Variants in ITGA2 observed in about 807,000 individuals in gnomAD.
The protein encoded by ITGA2 is integrin alpha-2.
Under a neutral mutation model 146.3 loss-of-function variants are expected in ITGA2, and 101 were observed. The ratio of observed to expected loss-of-function variants is 0.69; its 90% CI spans 0.59 to 0.81. The LOEUF is 0.81. Among genes scored for constraint, ITGA2 ranks in the 40% least tolerant of loss-of-function variants. The pLI is 0.00. For synonymous variants in ITGA2, 477 were observed against 487.1 expected, an observed-to-expected ratio of 0.98 and a Z score of 0.27; for missense variants, 1,281 against 1,402.7, an observed-to-expected ratio of 0.91 and a Z score of 1.39.
In ITGA2 at chr5:53,075,304, G is replaced by A. The variant is rs1020667872; in HGVS notation, c.2825G>A (p.Arg942Lys). Residue 942 changes from arginine (R) to lysine (K), a missense_variant and splice_region_variant, in exon 23 of 30, where the codon AGA becomes AAA. Coordinates refer to ENST00000296585, the MANE Select transcript of ITGA2 (RefSeq NM_002203.4). The stretch of plus-strand genomic sequence containing the variant: ...TATGATGCTGAAATTCACTTAACAA[G>A]GTAGGTGAAGCAGTGGGTAACCTGC... ...LLYDAEIHLT[R>K]STNINFYEIS... 1 of 1,611,836 alleles carries A rather than the reference G, an allele frequency of 6.2e-7. No individual in the cohort carries two copies. Among genetic ancestry groups the A allele is most frequent in the African/African-American group, 1.3e-5 (1 of 74,872 alleles).
intron 21 of ITGA2, 72 bp downstream of exon 21, chr5:53,074,549 A>T: frequency 8.6e-7 from 1 of 1,158,882 alleles, no homozygotes. Flanking sequence ...CCAACATAAC[A>T]TCTTGCTATC....
In ITGA2 at chr5:53,050,347, G is replaced by C. The variant is rs558567830; in HGVS notation, c.631-1064G>C. 2.6e-5 allele frequency among the ~76,000 whole-genome samples: 4 copies of C among 152,212 alleles called. No homozygotes were observed. In the East Asian group the frequency reaches 7.7e-4, roughly 29 times the overall value. On this transcript the variant is annotated intron_variant, in intron 6 of 29. Transcript: ENST00000296585. Reference sequence around the variant, plus strand: ...AATCTTTTTTCTTCTTTTTCACACAGAAGTCCTGGGGCTCTGTCGTGGGAT... The same window carrying C: ...AATCTTTTTTCTTCTTTTTCACACACAAGTCCTGGGGCTCTGTCGTGGGAT...
Position 53,092,726 on chromosome 5 carries a change from A to C in ITGA2, c.*2127A>C, listed in dbSNP as rs1242259858. ...GTACCTGAAGCTCCAGCTACTTGAG[A>C]GACTGAGACAGGAAGATCGCTTGAG... On this transcript the variant is annotated 3_prime_UTR_variant, in exon 30 of 30. Transcript: ENST00000296585. 6.6e-6 allele frequency: 1 copy of C among 152,184 alleles called. No individual in the cohort carries two copies. The highest frequency in any genetic ancestry group is 6.5e-5 in the Admixed American group (1 of 15,278). The allele number at this position is 152,184 out of a possible 1,614,324, so 9.4% of individuals were successfully genotyped here. A position where few individuals can be genotyped will look rare whatever the true frequency, so the allele number is the denominator to read the frequency against.
intron 19 of ITGA2, among the ~76,000 whole-genome samples, chr5:53,072,912 T>C (rs1042696227): frequency 1.3e-5 from 2 of 151,868 alleles, no homozygotes; most frequent in Non-Finnish European, 2.9e-5. Flanking sequence ...TTCCCTCTAA[T>C]ACAATAGCAA....
At chr5:53,006,415 T>C (rs1026102277) in intron 1 of ITGA2, among the ~76,000 whole-genome samples, 1 of 152,208 alleles carries the variant, frequency 6.6e-6, no homozygotes, top group Non-Finnish European at 1.5e-5. Context: ...TGCATGAACA[T>C]ATGTGTATAT....
chr5:53,038,057 G>T (rs970995334), intron 2 of ITGA2, among the ~76,000 whole-genome samples: 2 of 152,104 alleles, frequency 1.3e-5, no homozygotes, highest in African/African-American at 2.4e-5. Flanking sequence ...CTCCTGTGCT[G>T]CAAGGTTATC....
At position 53,062,906 on chromosome 5, in the gene ITGA2, GTCTACCT is replaced by G; in HGVS notation, c.1580_1586del (p.Val527GlyfsTer44). ...TGACCTAAAGAAAGAGGAAGGAAGAGTCTACCTGTTTACTATCAAAGAGGTAAAAAAA... is the reference window on the plus strand; with the variant it reads ...TGACCTAAAGAAAGAGGAAGGAAGAGGTTTACTATCAAAGAGGTAAAAAAA... On this transcript the variant is annotated frameshift_variant, in exon 13 of 30. Transcript: ENST00000296585. LOFTEE classifies it high-confidence loss of function. 1 of 1,609,190 alleles carries G rather than the reference GTCTACCT, an allele frequency of 6.2e-7. No individual in the cohort carries two copies. Among genetic ancestry groups the G allele is most frequent in the South Asian group, 1.1e-5 (1 of 90,934 alleles).
chr5:53,086,887 G>C (rs1388384636), intron 27 of ITGA2, 65 bp from the exon 28 acceptor site: 6 of 1,243,650 alleles, frequency 4.8e-6, no homozygotes, highest in African/African-American at 1.5e-5. Context: ...TAAATCATAA[G>C]CATGCCAGCT....
At chr5:53,048,120 A>T (rs565117807) in intron 4 of ITGA2, among the ~76,000 whole-genome samples, 2 of 152,082 alleles carry the variant, frequency 1.3e-5, no homozygotes, top group African/African-American at 4.8e-5. Context: ...CCCTTCACTG[A>T]CACCTGCTCC....
chr5:53,063,667 TA>T (rs1398795537), intron 13 of ITGA2, among the ~76,000 whole-genome samples: 3 of 151,996 alleles, frequency 2.0e-5, no homozygotes, highest in Non-Finnish European at 4.4e-5. Flanking sequence ...ATACTATGTT[TA>T]AGTATTGTGA....
At chr5:53,067,476 T>G (rs1745200411) in intron 16 of ITGA2, among the ~76,000 whole-genome samples, 1 of 151,850 alleles carries the variant, frequency 6.6e-6, no homozygotes, top group Non-Finnish European at 1.5e-5. Flanking sequence ...CTGCAGAAAG[T>G]TGTAATCTCT....
At chr5:53,072,081 TGGCAAATAAA>T (rs762585577) in intron 18 of ITGA2, 33 bp downstream of exon 18, 1 of 1,452,112 alleles carries the variant, frequency 6.9e-7, no homozygotes, top group South Asian at 1.1e-5. Context: ...GGATTTAGAC[TGGCAAATAAA>T]GTTCCACAGT....
chr5:53,045,041 C>A lies in ITGA2; in HGVS notation c.336C>A (p.Asn112Lys). 4 of 1,613,976 alleles carry A rather than the reference C, an allele frequency of 2.5e-6. No individual in the cohort carries two copies. Among genetic ancestry groups the A allele is most frequent in the East Asian group, 2.2e-5 (1 of 44,856 alleles). The change falls in exon 4 of 30, where the codon AAC becomes AAA. Residue 112 changes from asparagine to lysine, a missense_variant. By Grantham distance (94) the Asn-to-Lys change is moderately conservative. Around this residue, in one of 3 missense-constraint regions of ITGA2, gnomAD observed 795 missense variants for 841.7 expected, o/e 0.94. Coordinates refer to ENST00000296585, the MANE Select transcript of ITGA2 (RefSeq NM_002203.4). ...SIPNVTEMKT[N>K]MSLGLILTRN... The stretch of plus-strand genomic sequence containing the variant: ...CAAATGTTACTGAGATGAAAACCAA[C>A]ATGAGCCTCGGCTTGATCCTCACCA...
intron 18 of ITGA2, 125 bp downstream of exon 18, chr5:53,072,173 T>C: frequency 1.4e-6 from 1 of 728,116 alleles, no homozygotes; most frequent in Admixed American, 2.0e-5. Flanking sequence ...GAACTACAAT[T>C]ACATATGCAT....
At chr5:53,071,786 G>T in intron 17 of ITGA2, 152 bp from the exon 18 acceptor site, 1 of 690,836 alleles carries the variant, frequency 1.4e-6, no homozygotes, top group Non-Finnish European at 2.6e-6. Context: ...CGAGAGTCTT[G>T]ATTATTCACA....
chr5:53,005,580 C>CAAAA (rs5867858), intron 1 of ITGA2, among the ~76,000 whole-genome samples: 39 of 137,334 alleles, frequency 2.8e-4, no homozygotes, highest in Non-Finnish European at 4.2e-4. Context: ...GACTCTGTGT[C>CAAAA]AAAAAAAAAA....
chr5:53,042,973 G>A (rs1743875774), intron 3 of ITGA2, among the ~76,000 whole-genome samples: 1 of 152,106 alleles, frequency 6.6e-6, no homozygotes, highest in Admixed American at 6.6e-5. Flanking sequence ...TTGGAAACAA[G>A]GGAAGTGGTG....
At position 53,074,483 on chromosome 5, in the gene ITGA2, A is replaced by G. The variant is rs1375382118; in HGVS notation, c.2664+6A>G. The G allele has an allele frequency of 1.9e-6, 3 of 1,608,292 alleles. No homozygotes were observed. The highest frequency in any genetic ancestry group is 3.3e-5 in the Admixed American group (2 of 59,822). On this transcript the variant is annotated splice_donor_region_variant and intron_variant, in intron 21 of 29. Coordinates refer to ENST00000296585, the MANE Select transcript of ITGA2 (RefSeq NM_002203.4). ...CTTTAAAGAGAGAACAACAGGTACA[A>G]CTTGCATTTCATCCTCCAATCCATA...
chr5:53,023,734 A>C (rs1291862190), intron 1 of ITGA2, among the ~76,000 whole-genome samples: 1 of 152,234 alleles, frequency 6.6e-6, no homozygotes, highest in Non-Finnish European at 1.5e-5. Flanking sequence ...CAGTTGAACT[A>C]TGAGGACAGA....
Sources: allele counts gnomAD v4.1 joint callset (sites outside exome capture counted in the v4.1 genomes callset), GRCh38; gene constraint gnomAD v4.1.1; regional missense constraint gnomAD v4.1.1; transcripts MANE v1.5; gene names NCBI Gene and HGNC (gene_info 2026-07-23, HGNC 2026-07-21).